Variants in MYRIP observed in about 807,000 individuals in gnomAD.
The protein encoded by MYRIP is myosin VIIA and Rab interacting protein.
A neutral mutation model predicts 98.0 loss-of-function variants in MYRIP; 49 were observed. The ratio of observed to expected loss-of-function variants is 0.50; its 90% CI spans 0.40 to 0.63. The LOEUF is 0.63. Ranked by LOEUF, MYRIP falls within the 30% of genes least tolerant of loss-of-function variation. The pLI, the probability that MYRIP is intolerant of heterozygous loss-of-function variation, is 0.00. For synonymous variants in MYRIP, 404 were observed against 409.5 expected, an observed-to-expected ratio of 0.99 and a Z score of 0.16; for missense variants, 1,004 against 1,058.2, an observed-to-expected ratio of 0.95 and a Z score of 0.71.
At chr3:39,964,992 G>A (rs1945407649) in intron 2 of MYRIP, among the ~76,000 whole-genome samples, 1 of 152,054 alleles carries the variant, frequency 6.6e-6, no homozygotes, top group Non-Finnish European at 1.5e-5. Context: ...GAAATAACCC[G>A]TTACCTGGAT....
intron 3 of MYRIP, among the ~76,000 whole-genome samples, chr3:40,055,067 C>A (rs1331184465): frequency 6.6e-6 from 1 of 152,120 alleles, no homozygotes; most frequent in Non-Finnish European, 1.5e-5. Flanking sequence ...ACTGACTCTG[C>A]TTATTTACAT....
At chr3:40,029,664 G>A (rs1947214644) in intron 2 of MYRIP, among the ~76,000 whole-genome samples, 1 of 152,090 alleles carries the variant, frequency 6.6e-6, no homozygotes, top group Non-Finnish European at 1.5e-5. Flanking sequence ...TTTAATATAA[G>A]AAAGGGAAAA....
intron 1 of MYRIP, among the ~76,000 whole-genome samples, chr3:39,863,210 G>A (rs1251280447): frequency 1.3e-5 from 2 of 151,932 alleles, no homozygotes; most frequent in Non-Finnish European, 2.9e-5. Flanking sequence ...AAAGCTAGAA[G>A]TATCTCAAAT....
In MYRIP at chr3:39,818,299, G is replaced by A; in HGVS notation, c.-31+8383G>A. Reference sequence around the variant, plus strand: ...GTATATGAGTATGCCAAATTCCCATGCCTTGCCTTTGATAAGTATGATTAT... The same window carrying A: ...GTATATGAGTATGCCAAATTCCCATACCTTGCCTTTGATAAGTATGATTAT... On this transcript the variant is annotated intron_variant, in intron 1 of 16. Coordinates refer to ENST00000302541, the MANE Select transcript of MYRIP (RefSeq NM_015460.4). 1.3e-5 allele frequency among the ~76,000 whole-genome samples: 2 copies of A among 152,110 alleles called. 1 individual carries two copies. Among genetic ancestry groups the A allele is most frequent in the Non-Finnish European group, 2.9e-5 (2 of 68,020 alleles).
At chr3:39,869,767 C>T (rs974600786) in intron 1 of MYRIP, among the ~76,000 whole-genome samples, 5 of 152,186 alleles carry the variant, frequency 3.3e-5, no homozygotes, top group African/African-American at 1.2e-4. Flanking sequence ...ACTATCCCCT[C>T]CCCCAAACTC....
chr3:40,226,191 G>A (rs6769628), intron 11 of MYRIP, among the ~76,000 whole-genome samples: 1,672 of 152,252 alleles, frequency 0.011, 28 homozygotes, highest in African/African-American at 0.038. Flanking sequence ...GATAGTCACC[G>A]ACTTTCATGA....
At chr3:40,187,432 G>A (rs1240643094) in intron 9 of MYRIP, among the ~76,000 whole-genome samples, 2 of 152,156 alleles carry the variant, frequency 1.3e-5, no homozygotes, top group Admixed American at 6.5e-5. Flanking sequence ...AAGGGGAAAG[G>A]AGCCATCAGG....
At position 40,189,922 on chromosome 3, in the gene MYRIP, G is replaced by T. The variant is rs780143324; in HGVS notation, c.1124G>T (p.Gly375Val). 1.2e-6 allele frequency: 2 copies of T among 1,614,204 alleles called. No homozygotes were observed. Among genetic ancestry groups the T allele is most frequent in the Non-Finnish European group, 1.7e-6 (2 of 1,180,042 alleles). Residue 375 changes from glycine (G) to valine (V), a missense_variant, in exon 10 of 17, where the codon GGG (glycine) becomes GTG (valine). By Grantham distance (109) the Gly-to-Val change is moderately radical. This residue lies in a region of MYRIP where 880 missense variants were observed against 907.7 expected (regional missense o/e 0.97). Transcript: ENST00000302541. The stretch of plus-strand genomic sequence containing the variant: ...CGACTACTGGCCAAACCTAAGAGCG[G>T]GACGTTTCAGGCCCTGGAGGTGGCC... ...PTRLLAKPKS[G>V]TFQALEVASS...
At chr3:39,890,981 C>G (rs1295115731) in intron 1 of MYRIP, among the ~76,000 whole-genome samples, 1 of 152,050 alleles carries the variant, frequency 6.6e-6, no homozygotes, top group Non-Finnish European at 1.5e-5. Flanking sequence ...AGCCTTTTAT[C>G]TCCTCTTCCT....
At chr3:39,916,011 C>T (rs979520122) in intron 2 of MYRIP, among the ~76,000 whole-genome samples, 1 of 152,008 alleles carries the variant, frequency 6.6e-6, no homozygotes, top group Non-Finnish European at 1.5e-5. Flanking sequence ...AGAAAAAAGA[C>T]ACTTGCTAGT....
chr3:39,900,268 T>G (rs576861537), intron 1 of MYRIP, among the ~76,000 whole-genome samples: 2 of 152,152 alleles, frequency 1.3e-5, no homozygotes, highest in South Asian at 2.1e-4. Context: ...AGAGAACTTA[T>G]TGATTTTTAG....
rs953749805 is a variant in MYRIP, at chr3:39,990,361, T to A, written c.111-53689T>A. 7.9e-5 allele frequency among the ~76,000 whole-genome samples: 12 copies of A among 152,274 alleles called. 1 individual carries two copies. Among genetic ancestry groups the A allele is most frequent in the African/African-American group, 2.9e-4 (12 of 41,558 alleles). ...GGATACCTCAGTTGCTGGTGCAGGA[T>A]TCGCATGCTGTTATGGTTCTTTTCA... is the stretch of plus-strand genomic sequence containing the variant. On this transcript the variant is annotated intron_variant, in intron 2 of 16. Transcript: ENST00000302541.
rs569575949 is a variant in MYRIP at position 39,956,776 on chromosome 3, C to T, written c.110+55850C>T. Among the ~76,000 whole-genome samples, 167 of 151,554 alleles carry T rather than the reference C, an allele frequency of 1.1e-3. 1 individual carries two copies. Among genetic ancestry groups the T allele is most frequent in the South Asian group, 5.2e-3 (25 of 4,806 alleles). On this transcript the variant is annotated intron_variant, in intron 2 of 16. Transcript: ENST00000302541. Reference sequence around the variant, plus strand: ...GAAAAGATCAACAAAATTGATAGACCGCTAGCAAGACTAAGAAAGAAGAAA... The same window carrying T: ...GAAAAGATCAACAAAATTGATAGACTGCTAGCAAGACTAAGAAAGAAGAAA...
chr3:39,969,034 C>G (rs4260338), intron 2 of MYRIP, among the ~76,000 whole-genome samples: 41,769 of 151,940 alleles, frequency 0.27, 6,423 homozygotes, highest in Non-Finnish European at 0.35. Flanking sequence ...TTGTAGAGAT[C>G]TTTCACCTCC....
At chr3:40,229,107 G>T (rs1575659343) in intron 11 of MYRIP, among the ~76,000 whole-genome samples, 1 of 152,292 alleles carries the variant, frequency 6.6e-6, no homozygotes, top group East Asian at 1.9e-4. Context: ...AGCAGATATA[G>T]CTACTGTTTA....
intron 1 of MYRIP, among the ~76,000 whole-genome samples, chr3:39,817,258 C>T (rs964024853): frequency 6.6e-6 from 1 of 152,196 alleles, no homozygotes; most frequent in Non-Finnish European, 1.5e-5. Flanking sequence ...GAGACAGTAT[C>T]TGCATGCTCC....
chr3:40,082,725 AC>A (rs1948504657), intron 3 of MYRIP, among the ~76,000 whole-genome samples: 1 of 152,182 alleles, frequency 6.6e-6, no homozygotes, highest in Non-Finnish European at 1.5e-5. Context: ...TAACTTTTTC[AC>A]CGTCCTGATA....
At chr3:40,001,962 C>G (rs1435450513) in intron 2 of MYRIP, among the ~76,000 whole-genome samples, 1 of 152,062 alleles carries the variant, frequency 6.6e-6, no homozygotes, top group African/African-American at 2.4e-5. Flanking sequence ...TTCAGAAGCC[C>G]CATGGAAGGT....
At chr3:39,851,612 G>C (rs1359508245) in intron 1 of MYRIP, among the ~76,000 whole-genome samples, 1 of 152,160 alleles carries the variant, frequency 6.6e-6, no homozygotes, top group African/African-American at 2.4e-5. Flanking sequence ...GTTCTACCAG[G>C]ATCTAATAGA....
Sources: gnomAD v4.1 joint callset for allele counts (sites outside exome capture counted in the v4.1 genomes callset) on GRCh38, gnomAD v4.1.1 for gene constraint, gnomAD v4.1.1 regional missense constraint, MANE v1.5 for transcripts, NCBI Gene and HGNC (gene_info 2026-07-23, HGNC 2026-07-21) for gene names.